The following RNF216 variants were observed in gnomAD, a reference collection of about 807,000 sequenced individuals.
The protein encoded by RNF216 is ring finger protein 216, also known as E3 ubiquitin-protein ligase RNF216.
Under a neutral mutation model 110.8 loss-of-function variants are expected in RNF216, and 72 were observed. That is an observed-to-expected ratio of 0.65 (90% confidence interval 0.54 to 0.79). The LOEUF (loss-of-function observed/expected upper bound fraction) is 0.79, where lower values mean the gene tolerates loss of function less well. Among genes scored for constraint, RNF216 ranks in the 30% least tolerant of loss-of-function variants. The probability of loss-of-function intolerance (pLI) is 0.00; values close to 1 mark genes in which losing one functional copy is unlikely to be tolerated. For missense variants in RNF216, 1,342 were observed against 1,141.2 expected, an observed-to-expected ratio of 1.18 and a Z score of -2.54; for synonymous variants, 495 against 407.5, an observed-to-expected ratio of 1.21 and a Z score of -2.59.
In RNF216 at chr7:5,652,521, A is replaced by T. The variant is rs565164177; in HGVS notation, c.2062-11T>A. Reference sequence around the variant, plus strand: ...CTTCCTACAGGTTTCCTGGGGATAAAGGACAGACACAAAGACAACTCCTGG... The same window carrying T: ...CTTCCTACAGGTTTCCTGGGGATAATGGACAGACACAAAGACAACTCCTGG... On this transcript the variant is annotated splice_polypyrimidine_tract_variant and intron_variant, in intron 13 of 16. Transcript: ENST00000389902. 2 of 1,590,472 alleles carry T rather than the reference A, an allele frequency of 1.3e-6. No homozygotes were observed. The highest frequency in any genetic ancestry group is 1.7e-5 in the Admixed American group (1 of 59,958).
rs1423565859 is a variant in RNF216, at chr7:5,622,530, A to C, written c.*330T>G. The C allele has an allele frequency of 2.3e-5, 6 of 257,528 alleles. No homozygotes were observed. The highest frequency in any genetic ancestry group is 4.4e-5 in the Non-Finnish European group (6 of 136,028). 16.0% of individuals were successfully genotyped at this position (257,528 alleles called of 1,614,324 possible). A position where few individuals can be genotyped will look rare whatever the true frequency, so the allele number is the denominator to read the frequency against. On this transcript the variant is annotated 3_prime_UTR_variant, in exon 17 of 17. Coordinates refer to ENST00000389902, the MANE Select transcript of RNF216 (RefSeq NM_207111.4). ...CTACCCAGGGGTCGGCTCCGAGGAGAGGCCCAGGTGTGAGCAGCAGGGACC... is the reference window on the plus strand; with the variant it reads ...CTACCCAGGGGTCGGCTCCGAGGAGCGGCCCAGGTGTGAGCAGCAGGGACC...
chr7:5,629,821 T>A (rs1190762361), intron 15 of RNF216, among the ~76,000 whole-genome samples: 1 of 123,310 alleles, frequency 8.1e-6, no homozygotes, highest in African/African-American at 3.3e-5. Context: ...AGCAAGACTC[T>A]GTCTCAAAAA....
chr7:5,625,095 C>T lies in RNF216; in HGVS notation c.2383-970G>A, dbSNP rs1188247441. 3.9e-5 allele frequency among the ~76,000 whole-genome samples: 6 copies of T among 152,356 alleles called. No homozygotes were observed. In the East Asian group the frequency reaches 1.2e-3, roughly 29 times the overall value. On this transcript the variant is annotated intron_variant, in intron 15 of 16. Transcript: ENST00000389902. ...CCATCTTTCCTGGCTGGCTGCAGGG[C>T]CAAGGGGCTAAGGTGTGGGCCCGAG...
At chr7:5,764,229 A>G (rs548299226) in intron 1 of RNF216, among the ~76,000 whole-genome samples, 11 of 151,812 alleles carry the variant, frequency 7.2e-5, no homozygotes, top group Non-Finnish European at 1.0e-4. Flanking sequence ...AAAAAAACAG[A>G]TAAGTATCCA....
chr7:5,627,880 A>C (rs1325489990), intron 15 of RNF216, among the ~76,000 whole-genome samples: 1 of 152,182 alleles, frequency 6.6e-6, no homozygotes, highest in Non-Finnish European at 1.5e-5. Flanking sequence ...GGCTGAGAGC[A>C]TGCAGGCCAC....
At chr7:5,649,366 C>T (rs957647351) in intron 14 of RNF216, among the ~76,000 whole-genome samples, 1 of 144,202 alleles carries the variant, frequency 6.9e-6, no homozygotes, top group East Asian at 2.1e-4. Context: ...AGGTGACAGA[C>T]GGAGACTCCG....
At chr7:5,650,395 GT>G (rs1404156214) in intron 14 of RNF216, among the ~76,000 whole-genome samples, 1 of 152,198 alleles carries the variant, frequency 6.6e-6, no homozygotes, top group Admixed American at 6.5e-5. Flanking sequence ...AATGAAGGCT[GT>G]GCTTTGTAAG....
At chr7:5,636,267 T>C (rs1467357232) in intron 15 of RNF216, among the ~76,000 whole-genome samples, 2 of 152,328 alleles carry the variant, frequency 1.3e-5, no homozygotes, top group Admixed American at 1.3e-4. Flanking sequence ...TCCAGAAAAC[T>C]GTGGTATGCT....
chr7:5,624,275 C>T lies in RNF216; in HGVS notation c.2383-150G>A. ...GTGGGGCCTGGGCTGCACACCGTTC[C>T]TTCCTATTTCCCCGAAGGCCTCCTT... On this transcript the variant is annotated intron_variant, in intron 15 of 16. Transcript: ENST00000389902. This position sits in a 1 kb window ranked among gnomAD's most constrained non-coding sequence, Gnocchi z 4.4. 4.7e-6 allele frequency: 3 copies of T among 644,966 alleles called. No homozygotes were observed. The highest frequency in any genetic ancestry group is 5.4e-6 in the Non-Finnish European group (2 of 372,554). 40.0% of individuals were successfully genotyped at this position (644,966 alleles called of 1,614,324 possible).
At chr7:5,769,142 G>A (rs777982496) in intron 1 of RNF216, among the ~76,000 whole-genome samples, 57 of 146,152 alleles carry the variant, frequency 3.9e-4, no homozygotes, top group African/African-American at 1.3e-3. Context: ...TTTTTTTGAC[G>A]GAGTTCCCCT....
intron 5 of RNF216, among the ~76,000 whole-genome samples, chr7:5,732,557 T>C (rs1406620582): frequency 6.6e-6 from 1 of 152,226 alleles, no homozygotes; most frequent in Non-Finnish European, 1.5e-5. Flanking sequence ...AAGTTCCACA[T>C]GACAGAAATC....
intron 9 of RNF216, 50 bp downstream of exon 9, chr7:5,720,983 C>A (rs1215940618): frequency 6.3e-7 from 1 of 1,596,234 alleles, no homozygotes; most frequent in Non-Finnish European, 8.6e-7. Context: ...ACCCTAAGAG[C>A]AAACCAGAAT....
At chr7:5,733,015 C>T (rs147924656) in intron 5 of RNF216, 11 of 152,292 alleles carry the variant, frequency 7.2e-5, no homozygotes, top group African/African-American at 1.7e-4. Context: ...TTAAAATGGC[C>T]AGACGGTTCC....
At position 5,739,277 on chromosome 7, in the gene RNF216, C is replaced by T; in HGVS notation, c.1120G>A (p.Val374Ile). Residue 374 changes from valine to isoleucine, a missense_variant and splice_region_variant, in exon 5 of 17, where the codon GTA becomes ATA. By Grantham distance (29) the Val-to-Ile change is conservative. Transcript: ENST00000389902. ...AAAAAAGCATGGTAGTATACTTACA[C>T]ATTCAGATCATAATAATTCTTAAAA... ...IHFKNYYDLN[V>I]LCNFLLENPD... The T allele has an allele frequency of 6.3e-7, 1 of 1,585,920 alleles. No homozygotes were observed. The highest frequency in any genetic ancestry group is 2.2e-5 in the East Asian group (1 of 44,674).
chr7:5,740,423 GC>G (rs1794691128), intron 4 of RNF216, among the ~76,000 whole-genome samples: 1 of 152,144 alleles, frequency 6.6e-6, no homozygotes, highest in African/African-American at 2.4e-5. Flanking sequence ...AGCACGCCCA[GC>G]CCTTGTGTTA....
intron 3 of RNF216, among the ~76,000 whole-genome samples, chr7:5,742,336 T>G (rs1406266855): frequency 6.6e-6 from 1 of 151,890 alleles, no homozygotes; most frequent in Non-Finnish European, 1.5e-5. Flanking sequence ...CATGAGCCAC[T>G]GAACCCAGCC....
intron 14 of RNF216, among the ~76,000 whole-genome samples, chr7:5,646,414 C>T (rs990898729): frequency 6.6e-6 from 1 of 151,788 alleles, no homozygotes; most frequent in Non-Finnish European, 1.5e-5. Flanking sequence ...AAAAAGGGGG[C>T]CAGGTGCCGT....
At chr7:5,776,843 G>C (rs1188542192) in intron 1 of RNF216, among the ~76,000 whole-genome samples, 1 of 139,414 alleles carries the variant, frequency 7.2e-6, no homozygotes, top group Non-Finnish European at 1.5e-5. Context: ...GGAGGTTGCA[G>C]TGAGCTGATA....
intron 14 of RNF216, among the ~76,000 whole-genome samples, chr7:5,642,278 T>G (rs1402878698): frequency 6.6e-6 from 1 of 151,364 alleles, no homozygotes; most frequent in Non-Finnish European, 1.5e-5. Flanking sequence ...AGTGGCTCCA[T>G]CTCAGCTCAC....
Sources: allele counts gnomAD v4.1 joint callset (sites outside exome capture counted in the v4.1 genomes callset), GRCh38; gene constraint gnomAD v4.1.1; non-coding constraint Gnocchi (gnomAD v3.1); transcripts MANE v1.5; gene names NCBI Gene and HGNC (gene_info 2026-07-23, HGNC 2026-07-21).